Variants in ALMS1 observed in about 807,000 individuals in gnomAD.
ALMS1 encodes centrosome-associated protein ALMS1.
A neutral mutation model predicts 352.2 loss-of-function variants in ALMS1; 271 were observed. The observed-to-expected ratio is 0.77, with a 90% CI of 0.70 to 0.85. ALMS1 has a LOEUF of 0.85. Among genes scored for constraint, ALMS1 ranks in the 40% least tolerant of loss-of-function variants. The pLI is 0.00. For synonymous variants in ALMS1, 1,865 were observed against 1,761.2 expected (o/e 1.06, Z -1.48); for missense variants, 5,445 against 4,870.7 (o/e 1.12, Z -3.51).
rs1553404031 is a variant in ALMS1 at position 73,451,724 on chromosome 2, CAAG to C, written c.5201_5203del (p.Glu1734del). 1 of 1,613,668 alleles carries C rather than the reference CAAG, an allele frequency of 6.2e-7. No individual in the cohort carries two copies. The highest frequency in any genetic ancestry group is 8.5e-7 in the Non-Finnish European group (1 of 1,179,884). On this transcript the variant is annotated inframe_deletion, in exon 8 of 23. Coordinates refer to ENST00000613296, the MANE Select transcript of ALMS1 (RefSeq NM_001378454.1). ...GGCCCTGCCAGACAGTGAGCTAACTCAAGAAGCTCTGAAAGTTTCAGCTGTTCC... is the reference window on the plus strand; with the variant it reads ...GGCCCTGCCAGACAGTGAGCTAACTCAAGCTCTGAAAGTTTCAGCTGTTCC...
intron 4 of ALMS1, 52 bp downstream of exon 4, chr2:73,423,026 T>C (rs1018492450): frequency 2.0e-6 from 3 of 1,482,372 alleles, no homozygotes; most frequent in Non-Finnish European, 2.8e-6. Flanking sequence ...TCTATGTTTT[T>C]ACTAATATTA....
Position 73,450,422 on chromosome 2 carries a change from C to T in ALMS1, c.3895C>T (p.Gln1299Ter). 6.2e-7 allele frequency: 1 copy of T among 1,613,818 alleles called. No individual in the cohort carries two copies. The change falls in exon 8 of 23, where the codon CAG becomes TAG. Residue 1299 changes from glutamine (Q) to a stop codon, truncating the protein, a stop_gained. Coordinates refer to ENST00000613296, the MANE Select transcript of ALMS1 (RefSeq NM_001378454.1). LOFTEE classifies it high-confidence loss of function. ...YREKPSIFYQQSLPSSHLTEE... is the reference protein window; with the variant it reads ...YREKPSIFYQ ...AGAGAAGCCCAGCATTTTCTACCAA[C>T]AGTCGTTGCCAAGTAGTCATCTAAC...
Position 73,608,512 on chromosome 2 carries a change from G to C in ALMS1, c.12400G>C (p.Glu4134Gln). 1 of 1,613,938 alleles carries C rather than the reference G, an allele frequency of 6.2e-7. No individual in the cohort carries two copies. Among genetic ancestry groups the C allele is most frequent in the Non-Finnish European group, 8.5e-7 (1 of 1,179,864 alleles). The change falls in exon 22 of 23, where the codon GAA becomes CAA. Residue 4134 changes from glutamate (E) to glutamine (Q), a missense_variant. Glu to Gln is a conservative substitution (Grantham distance 29). Transcript: ENST00000613296. ...EQLPEVQKKREEEKRKSEYKS... is the reference protein window; with the variant it reads ...EQLPEVQKKRQEEKRKSEYKS... ...GCTTCCAGAAGTACAGAAAAAGAGA[G>C]AAGAAGAGAAGAGAAAATCAGAATA...
Position 73,451,425 on chromosome 2 carries a change from T to G in ALMS1, c.4898T>G (p.Leu1633Arg). ...KPITFYRQAL[L>R]DSPLNKEVVK... ...ATTACTTTCTACCGGCAGGCTCTGC[T>G]AGACAGTCCTCTAAATAAAGAGGTT... The change falls in exon 8 of 23, where the codon CTA becomes CGA. Residue 1633 changes from leucine to arginine, a missense_variant. Physicochemically the swap from Leu to Arg is moderately radical, Grantham distance 102. Transcript: ENST00000613296. 1 of 1,613,586 alleles carries G rather than the reference T, an allele frequency of 6.2e-7. No homozygotes were observed. The highest frequency in any genetic ancestry group is 1.1e-5 in the South Asian group (1 of 91,042).
chr2:73,548,295 G>A (rs1046760245), intron 12 of ALMS1, among the ~76,000 whole-genome samples: 39 of 152,196 alleles, frequency 2.6e-4, no homozygotes, highest in African/African-American at 9.2e-4. Flanking sequence ...GAGCAATAAT[G>A]TTAACTCTTG....
intron 10 of ALMS1, among the ~76,000 whole-genome samples, chr2:73,517,031 C>T (rs1673572422): frequency 1.3e-5 from 2 of 152,054 alleles, no homozygotes. Flanking sequence ...ATTACTCTGA[C>T]TCAGCCCCCA....
chr2:73,511,445 C>T (rs770127901), intron 10 of ALMS1, among the ~76,000 whole-genome samples: 3 of 151,884 alleles, frequency 2.0e-5, no homozygotes, highest in Middle Eastern at 3.4e-3. Flanking sequence ...GTTGTGCTTC[C>T]CGAATGAGGC....
intron 1 of ALMS1, among the ~76,000 whole-genome samples, chr2:73,387,260 A>C (rs1182827232): frequency 6.6e-6 from 1 of 152,250 alleles, no homozygotes; most frequent in Admixed American, 6.5e-5. Flanking sequence ...GCTGGGTGCT[A>C]AGGAAAGCTT....
chr2:73,439,989 A>G (rs1671683057), intron 7 of ALMS1, among the ~76,000 whole-genome samples: 1 of 151,050 alleles, frequency 6.6e-6, no homozygotes, highest in Non-Finnish European at 1.5e-5. Context: ...AAAATTATTT[A>G]TTTATTTTTG....
chr2:73,481,242 T>A (rs1379153055), intron 9 of ALMS1, among the ~76,000 whole-genome samples: 1 of 152,236 alleles, frequency 6.6e-6, no homozygotes, highest in Admixed American at 6.5e-5. Flanking sequence ...CCATCTTGAA[T>A]TAATTTTTGT....
intron 9 of ALMS1, among the ~76,000 whole-genome samples, chr2:73,475,823 G>T (rs1672571545): frequency 6.6e-6 from 1 of 151,952 alleles, no homozygotes; most frequent in African/African-American, 2.4e-5. Context: ...TCTTCTGAGA[G>T]ATTTAGTTTT....
At chr2:73,524,880 C>A (rs372706911) in intron 11 of ALMS1, among the ~76,000 whole-genome samples, 2 of 152,202 alleles carry the variant, frequency 1.3e-5, no homozygotes, top group East Asian at 3.8e-4. Context: ...ACTTCCCCCA[C>A]ACTGCTCACT....
At chr2:73,577,711 T>TC (rs1675082837) in intron 16 of ALMS1, among the ~76,000 whole-genome samples, 1 of 152,208 alleles carries the variant, frequency 6.6e-6, no homozygotes. Context: ...ACTTGTGAAT[T>TC]CCCCACCTTT....
intron 9 of ALMS1, among the ~76,000 whole-genome samples, chr2:73,477,034 T>C (rs565781485): frequency 3.3e-5 from 5 of 152,156 alleles, no homozygotes; most frequent in Admixed American, 1.3e-4. Flanking sequence ...TTGTACATGA[T>C]TTGCAAATAT....
At chr2:73,432,630 T>C (rs914872667) in intron 7 of ALMS1, among the ~76,000 whole-genome samples, 1 of 151,224 alleles carries the variant, frequency 6.6e-6, no homozygotes, top group Non-Finnish European at 1.5e-5. Context: ...AGGGGGTCTC[T>C]CTGGAGTCGT....
At chr2:73,507,904 G>A (rs940220565) in intron 10 of ALMS1, among the ~76,000 whole-genome samples, 1 of 151,992 alleles carries the variant, frequency 6.6e-6, no homozygotes, top group South Asian at 2.1e-4. Flanking sequence ...GCTTTCTCCT[G>A]TGGGCATTTA....
chr2:73,500,055 C>T (rs1029330904), intron 10 of ALMS1, among the ~76,000 whole-genome samples: 2 of 152,248 alleles, frequency 1.3e-5, no homozygotes, highest in Middle Eastern at 3.4e-3. Context: ...CTCAAGTATT[C>T]CTTAATAGCA....
At chr2:73,424,083 T>C (rs1463107126) in intron 4 of ALMS1, among the ~76,000 whole-genome samples, 1 of 152,160 alleles carries the variant, frequency 6.6e-6, no homozygotes, top group African/African-American at 2.4e-5. Flanking sequence ...TGGCCTTGCA[T>C]GGTTTCAAGA....
chr2:73,433,807 A>T (rs1483968495), intron 7 of ALMS1, among the ~76,000 whole-genome samples: 1 of 152,186 alleles, frequency 6.6e-6, no homozygotes, highest in Non-Finnish European at 1.5e-5. Context: ...AAGTCTATTT[A>T]GATTTTATAT....
Sources: gnomAD v4.1 joint callset for allele counts (sites outside exome capture counted in the v4.1 genomes callset) on GRCh38, gnomAD v4.1.1 for gene constraint, MANE v1.5 for transcripts, NCBI Gene and HGNC (gene_info 2026-07-23, HGNC 2026-07-21) for gene names.